The following KCNT2 variants were observed in gnomAD, a reference collection of about 807,000 sequenced individuals.
KCNT2 encodes potassium sodium-activated channel subfamily T member 2.
In KCNT2, 67 loss-of-function variants were observed where a neutral mutation model predicts 153.8. The ratio of observed to expected loss-of-function variants is 0.44; its 90% confidence interval spans 0.36 to 0.53. The LOEUF (loss-of-function observed/expected upper bound fraction) is 0.53. KCNT2 is among the 20% of genes least tolerant of loss of function. The pLI is 0.00. For synonymous variants in KCNT2, 500 were observed against 458.8 expected (o/e 1.09, Z -1.15); for missense variants, 975 against 1,354.8 (o/e 0.72, Z 4.40).
In KCNT2 at chr1:196,514,799, A is replaced by G. The variant is rs893353556; in HGVS notation, c.96-22458T>C. 2.0e-5 allele frequency among the ~76,000 whole-genome samples: 3 copies of G among 152,164 alleles called. No homozygotes were observed. The East Asian group carries it at 5.8e-4, about 29-fold the overall frequency. On this transcript the variant is annotated intron_variant, in intron 1 of 27. Transcript: ENST00000294725. The stretch of plus-strand genomic sequence containing the variant: ...TTCATATACTTATTAATGAATCATT[A>G]AAACCATAACTTTATTAATTCTGCT...
chr1:196,302,324 T>TA (rs1055227096), intron 22 of KCNT2, among the ~76,000 whole-genome samples: 11 of 151,484 alleles, frequency 7.3e-5, no homozygotes, highest in South Asian at 6.3e-4. Context: ...TATTACTGAT[T>TA]AAAAAAAAAC....
chr1:196,428,683 A>G (rs968978217), intron 9 of KCNT2, among the ~76,000 whole-genome samples: 1 of 152,102 alleles, frequency 6.6e-6, no homozygotes, highest in Non-Finnish European at 1.5e-5. Context: ...TACAGTAGCC[A>G]TTAACGGAGG....
intron 22 of KCNT2, among the ~76,000 whole-genome samples, chr1:196,292,830 A>G (rs1034891940): frequency 6.6e-6 from 1 of 151,022 alleles, no homozygotes; most frequent in Non-Finnish European, 1.5e-5. Flanking sequence ...AAAAAAAAAA[A>G]AAAAGGAAGA....
intron 1 of KCNT2, among the ~76,000 whole-genome samples, chr1:196,592,925 A>C (rs1049803382): frequency 6.6e-6 from 1 of 150,444 alleles, no homozygotes; most frequent in African/African-American, 2.4e-5. Flanking sequence ...ATTTAATAAA[A>C]TAATTTTTTA....
At chr1:196,435,366 T>C (rs564011258) in intron 8 of KCNT2, among the ~76,000 whole-genome samples, 1 of 150,704 alleles carries the variant, frequency 6.6e-6, no homozygotes, top group African/African-American at 2.4e-5. Context: ...CAGCCTTTGT[T>C]TCAGGTAGTA....
rs867361110 is a variant in KCNT2 at position 196,430,568 on chromosome 1, G to A, written c.639-811C>T. 3.3e-5 allele frequency among the ~76,000 whole-genome samples: 5 copies of A among 151,964 alleles called. No homozygotes were observed. In the South Asian group the frequency reaches 6.2e-4, roughly 19 times the overall value. ...CTCCAAACGCAATATAAGCCGATAC[G>A]CTTCCATTTATTATAAATTACCCAG... On this transcript the variant is annotated intron_variant, in intron 8 of 27. Coordinates refer to ENST00000294725, the MANE Select transcript of KCNT2 (RefSeq NM_198503.5).
intron 8 of KCNT2, among the ~76,000 whole-genome samples, chr1:196,462,625 T>C (rs1003087302): frequency 6.2e-4 from 94 of 151,698 alleles, no homozygotes; most frequent in African/African-American, 2.2e-3. Flanking sequence ...ACTTTTGAGG[T>C]GTTAACATTA....
chr1:196,345,993 CAT>C (rs1666109464), intron 14 of KCNT2, among the ~76,000 whole-genome samples: 1 of 152,018 alleles, frequency 6.6e-6, no homozygotes, highest in African/African-American at 2.4e-5. Flanking sequence ...GTCAAACAGA[CAT>C]AGTGTATGTG....
intron 1 of KCNT2, among the ~76,000 whole-genome samples, chr1:196,523,157 G>A (rs533171034): frequency 1.3e-5 from 2 of 152,060 alleles, no homozygotes; most frequent in Non-Finnish European, 2.9e-5. Flanking sequence ...AACTCTGGAC[G>A]CACCACCTTT....
intron 19 of KCNT2, among the ~76,000 whole-genome samples, chr1:196,323,964 TAAA>T (rs202104374): frequency 1.5e-5 from 2 of 137,438 alleles, no homozygotes; most frequent in Admixed American, 7.4e-5. Context: ...ATCTAATTGT[TAAA>T]AAAAAAAAAA....
At chr1:196,288,507 A>G (rs2147904647) in intron 22 of KCNT2, among the ~76,000 whole-genome samples, 1 of 152,194 alleles carries the variant, frequency 6.6e-6, no homozygotes, top group Middle Eastern at 3.4e-3. Context: ...GACAATGTGG[A>G]AAATGGCTTG....
intron 1 of KCNT2, among the ~76,000 whole-genome samples, chr1:196,510,525 C>G (rs1308490103): frequency 6.6e-6 from 1 of 152,106 alleles, no homozygotes; most frequent in African/African-American, 2.4e-5. Context: ...AATGTATTAC[C>G]ATAGCTAAAC....
At chr1:196,303,358 T>G (rs1045477756) in intron 22 of KCNT2, among the ~76,000 whole-genome samples, 1 of 152,172 alleles carries the variant, frequency 6.6e-6, no homozygotes, top group Non-Finnish European at 1.5e-5. Context: ...TTATTTTTCC[T>G]TTGGATAAAG....
At chr1:196,313,812 T>C (rs547029818) in intron 21 of KCNT2, among the ~76,000 whole-genome samples, 4 of 151,794 alleles carry the variant, frequency 2.6e-5, no homozygotes, top group African/African-American at 9.6e-5. Flanking sequence ...ATAGTTCTTT[T>C]GAAAAATTCT....
chr1:196,395,615 C>T (rs1332214360), intron 13 of KCNT2, among the ~76,000 whole-genome samples: 2 of 151,394 alleles, frequency 1.3e-5, no homozygotes, highest in East Asian at 2.0e-4. Flanking sequence ...TTGAAAAACT[C>T]GAGCTTAAAG....
At chr1:196,475,967 T>C (rs1678497503) in intron 5 of KCNT2, among the ~76,000 whole-genome samples, 1 of 152,160 alleles carries the variant, frequency 6.6e-6, no homozygotes, top group Non-Finnish European at 1.5e-5. Context: ...GCATGCTAGG[T>C]CTTACAATTT....
chr1:196,467,999 C>G (rs560048201), intron 6 of KCNT2, among the ~76,000 whole-genome samples: 1 of 152,082 alleles, frequency 6.6e-6, no homozygotes, highest in Admixed American at 6.6e-5. Flanking sequence ...ATTGCAGAAG[C>G]AAAAAGAAAA....
intron 22 of KCNT2, among the ~76,000 whole-genome samples, chr1:196,298,704 C>T (rs1330591490): frequency 2.6e-5 from 4 of 151,190 alleles, no homozygotes; most frequent in African/African-American, 9.7e-5. Flanking sequence ...AGGGTAAAGG[C>T]TAAAAGTGTC....
At chr1:196,432,740 AG>A (rs1355876788) in intron 8 of KCNT2, among the ~76,000 whole-genome samples, 1 of 152,128 alleles carries the variant, frequency 6.6e-6, no homozygotes, top group East Asian at 1.9e-4. Context: ...AATTTGCCTC[AG>A]GGTGAATCAT....
Sources: allele counts gnomAD v4.1 joint callset (sites outside exome capture counted in the v4.1 genomes callset), GRCh38; gene constraint gnomAD v4.1.1; transcripts MANE v1.5; gene names NCBI Gene and HGNC (gene_info 2026-07-23, HGNC 2026-07-21).